PACS2: variants seen among roughly 807,000 people sequenced by gnomAD.
PACS2 encodes phosphofurin acidic cluster sorting protein 2, also known as PACS1-like protein.
Under a neutral mutation model 113.0 loss-of-function variants are expected in PACS2, and 36 were observed. The ratio of observed to expected loss-of-function variants is 0.32; its 90% confidence interval spans 0.24 to 0.42. The LOEUF (loss-of-function observed/expected upper bound fraction) is 0.42. PACS2 is among the 10% of genes least tolerant of loss of function. The probability of loss-of-function intolerance (pLI) is 1.00; values close to 1 mark genes in which losing one functional copy is unlikely to be tolerated. For missense variants in PACS2, 1,015 were observed against 1,239.5 expected (o/e 0.82, Z 2.72); for synonymous variants, 589 against 536.1 (o/e 1.10, Z -1.36).
rs2080807231 is a variant in PACS2, at chr14:105,376,993, C to G, written c.959+68C>G. On this transcript the variant is annotated intron_variant, in intron 9 of 24. Coordinates refer to ENST00000447393, the MANE Select transcript of PACS2 (RefSeq NM_001100913.3). This position sits in a 1 kb window ranked among gnomAD's most constrained non-coding sequence, Gnocchi z 4.7. Reference sequence around the variant, plus strand: ...ATGCCCCGGCCACTCTGCGACCACTCTGGCAGACCCATGTCCAGCCCTGGA... The same window carrying G: ...ATGCCCCGGCCACTCTGCGACCACTGTGGCAGACCCATGTCCAGCCCTGGA... 6.8e-7 allele frequency: 1 copy of G among 1,471,304 alleles called. No homozygotes were observed. Among genetic ancestry groups the G allele is most frequent in the African/African-American group, 1.4e-5 (1 of 70,314 alleles). 91.1% of individuals were successfully genotyped at this position (1,471,304 alleles called of 1,614,324 possible).
chr14:105,319,779 T>C (rs1397959981), intron 1 of PACS2, among the ~76,000 whole-genome samples: 2 of 152,342 alleles, frequency 1.3e-5, no homozygotes, highest in Non-Finnish European at 1.5e-5. Flanking sequence ...TGTTTTACCT[T>C]TAAGGACGAT....
chr14:105,342,654 C>T (rs1555401845), intron 1 of PACS2, among the ~76,000 whole-genome samples: 1 of 151,930 alleles, frequency 6.6e-6, no homozygotes, highest in Non-Finnish European at 1.5e-5. Flanking sequence ...GTCTGGTAGG[C>T]CAGGCGCAGT....
At chr14:105,349,222 C>T (rs1360658352) in intron 2 of PACS2, among the ~76,000 whole-genome samples, 1 of 152,274 alleles carries the variant, frequency 6.6e-6, no homozygotes, top group Non-Finnish European at 1.5e-5. Context: ...GCCACCCCTG[C>T]CCTTTCAGGG....
intron 19 of PACS2, among the ~76,000 whole-genome samples, chr14:105,386,578 C>T (rs1440628249): frequency 6.6e-6 from 1 of 152,124 alleles, no homozygotes; most frequent in African/African-American, 2.4e-5. Context: ...GGGTGGGGGC[C>T]CCTGCTGGTC....
chr14:105,333,758 G>A (rs930538633), intron 1 of PACS2, among the ~76,000 whole-genome samples: 15 of 152,324 alleles, frequency 9.8e-5, no homozygotes, highest in Non-Finnish European at 1.8e-4. Context: ...CAACCGGCCC[G>A]GCCTGTCACC....
At position 105,379,778 on chromosome 14, in the gene PACS2, G is replaced by A. The variant is rs1029559490; in HGVS notation, c.999G>A (p.Thr333=). 7 of 1,613,588 alleles carry A rather than the reference G, an allele frequency of 4.3e-6. No homozygotes were observed. Among genetic ancestry groups the A allele is most frequent in the African/African-American group, 2.7e-5 (2 of 75,044 alleles). The change falls in exon 10 of 25, where the codon ACG becomes ACA. Residue 333 remains threonine (T), a synonymous_variant. Coordinates refer to ENST00000447393, the MANE Select transcript of PACS2 (RefSeq NM_001100913.3). The stretch of plus-strand genomic sequence containing the variant: ...GCCTGTCGCACTCGAGCTCGCAGAC[G>A]GAGATTGGGAGCATCCACAGCGCCC... ...FEGLSHSSSQ[T]EIGSIHSARS...
At chr14:105,362,209 G>A (rs906897371) in intron 4 of PACS2, among the ~76,000 whole-genome samples, 2 of 151,070 alleles carry the variant, frequency 1.3e-5, no homozygotes, top group Non-Finnish European at 2.9e-5. Flanking sequence ...ACGAGGTCAG[G>A]AGATCAAGAC....
Position 105,304,168 on chromosome 14 carries a change from G to C in PACS2, c.-83+3189G>C, listed in dbSNP as rs115106510. Among the ~76,000 whole-genome samples the C allele has an allele frequency of 7.9e-3, 1,204 of 152,314 alleles. 21 individuals carry two copies. Among genetic ancestry groups the C allele is most frequent in the African/African-American group, 0.028 (1,154 of 41,566 alleles). ...GGCCAGAGGAGCAGAGGGTGGGGAA[G>C]ACCACACCCACAACGGTAAGAGGTT... On this transcript the variant is annotated intron_variant, in intron 1 of 23. Coordinates refer to the PACS2 transcript ENST00000430725.
At chr14:105,384,795 G>A (rs1414626045) in intron 17 of PACS2, 84 bp from the exon 18 acceptor site, 14 of 877,784 alleles carry the variant, frequency 1.6e-5, no homozygotes, top group Admixed American at 6.1e-5. Flanking sequence ...AGGCCTGGGC[G>A]GGGCACCGGG....
intron 1 of PACS2, among the ~76,000 whole-genome samples, chr14:105,306,522 C>T (rs774456269): frequency 6.6e-6 from 1 of 151,940 alleles, no homozygotes; most frequent in African/African-American, 2.4e-5. Context: ...CCAGGATGGC[C>T]TCGATCTCCT....
rs1450242430 is a variant in PACS2, at chr14:105,340,040, A to G, written c.120-8453A>G. Among the ~76,000 whole-genome samples, 1 of 152,228 alleles carries G rather than the reference A, an allele frequency of 6.6e-6. No homozygotes were observed. Among genetic ancestry groups the G allele is most frequent in the East Asian group, 1.9e-4 (1 of 5,198 alleles). On this transcript the variant is annotated intron_variant, in intron 1 of 24. Transcript: ENST00000447393. The surrounding 1 kb of genome is among the most constrained non-coding windows in gnomAD (Gnocchi z 4.2). ...GTGATCCACCTGCCTTGGCCTCCCA[A>G]AGGGCTGCGATTCCAAGTGTGAGCC... is the stretch of plus-strand genomic sequence containing the variant.
rs1555405065 is a variant in PACS2, at chr14:105,355,039, C to T, written c.298-13C>T. 1.9e-6 allele frequency: 3 copies of T among 1,612,070 alleles called. No homozygotes were observed. The highest frequency in any genetic ancestry group is 2.5e-6 in the Non-Finnish European group (3 of 1,179,312). ...GGTGCACCCTCAGCTGCCACTCGCA[C>T]TTGTGCCCACAGTATCCTCACTTCT... is the stretch of plus-strand genomic sequence containing the variant. On this transcript the variant is annotated splice_polypyrimidine_tract_variant and intron_variant, in intron 3 of 24. Transcript: ENST00000447393. This position sits in a 1 kb window ranked among gnomAD's most constrained non-coding sequence, Gnocchi z 4.1.
chr14:105,319,085 C>T (rs1364462795), intron 1 of PACS2, among the ~76,000 whole-genome samples: 1 of 152,000 alleles, frequency 6.6e-6, no homozygotes, highest in Admixed American at 6.6e-5. Context: ...GTAGTTGGGA[C>T]TACAGGCGTG....
upstream of PACS2, chr14:105,314,505 A>C (rs1402870944): frequency 6.9e-6 from 1 of 145,192 alleles, no homozygotes; most frequent in South Asian, 2.2e-4. Flanking sequence ...CAGGCGCGTG[A>C]GTGCGCGCTC....
chr14:105,336,091 CG>C (rs1248667658), intron 1 of PACS2, among the ~76,000 whole-genome samples: 1 of 152,216 alleles, frequency 6.6e-6, no homozygotes, highest in Non-Finnish European at 1.5e-5. Context: ...AGCTCCCACG[CG>C]GGCAGGCTCG....
chr14:105,392,750 G>C lies in PACS2; in HGVS notation c.2387G>C (p.Arg796Pro). The change falls in exon 23 of 25, where the codon CGG (arginine) becomes CCG (proline). Residue 796 changes from arginine to proline, a missense_variant. Transcript: ENST00000447393. ...AAAAACACGCTCAAGTGCACTTTCCGGTCCCTCCAGGTCAGCAGGCTGCCC... is the reference window on the plus strand; with the variant it reads ...AAAAACACGCTCAAGTGCACTTTCCCGTCCCTCCAGGTCAGCAGGCTGCCC... Reference protein sequence around the residue: ...VTKNTLKCTFRSLQVSRLPSS... With the variant: ...VTKNTLKCTFPSLQVSRLPSS... 2 of 1,612,424 alleles carry C rather than the reference G, an allele frequency of 1.2e-6. No homozygotes were observed. Among genetic ancestry groups the C allele is most frequent in the Non-Finnish European group, 1.7e-6 (2 of 1,179,982 alleles).
At chr14:105,360,619 G>A (rs1396734374) in intron 4 of PACS2, among the ~76,000 whole-genome samples, 2 of 152,018 alleles carry the variant, frequency 1.3e-5, no homozygotes, top group African/African-American at 4.8e-5. Flanking sequence ...TGGCTGGTGG[G>A]GGTCCTTAGT....
rs2060455399 is a variant in PACS2 at position 105,356,546 on chromosome 14, C to A, written c.423+1369C>A. On this transcript the variant is annotated intron_variant, in intron 4 of 24. Coordinates refer to ENST00000447393, the MANE Select transcript of PACS2 (RefSeq NM_001100913.3). This position sits in a 1 kb window ranked among gnomAD's most constrained non-coding sequence, Gnocchi z 4.0. Reference sequence around the variant, plus strand: ...GGCTGAGCGATGGGTGAACAGGTAGCTCAGGGATGCTCTCTGGGCTGTGAG... The same window carrying A: ...GGCTGAGCGATGGGTGAACAGGTAGATCAGGGATGCTCTCTGGGCTGTGAG... Among the ~76,000 whole-genome samples the A allele has an allele frequency of 6.6e-6, 1 of 152,196 alleles. No homozygotes were observed. Among genetic ancestry groups the A allele is most frequent in the Non-Finnish European group, 1.5e-5 (1 of 68,034 alleles).
In PACS2 at chr14:105,340,326, A is replaced by G. The variant is rs1555401334; in HGVS notation, c.120-8167A>G. On this transcript the variant is annotated intron_variant, in intron 1 of 24. Transcript: ENST00000447393. This position sits in a 1 kb window ranked among gnomAD's most constrained non-coding sequence, Gnocchi z 4.2. ...TGCAATCACAACACACACAACTCCA[A>G]ATGGATGGATAATCTCATTGTGAAA... Among the ~76,000 whole-genome samples the G allele has an allele frequency of 6.6e-6, 1 of 152,198 alleles. No individual in the cohort carries two copies. Among genetic ancestry groups the G allele is most frequent in the African/African-American group, 2.4e-5 (1 of 41,452 alleles).
Sources: allele counts gnomAD v4.1 joint callset (sites outside exome capture counted in the v4.1 genomes callset), GRCh38; gene constraint gnomAD v4.1.1; non-coding constraint Gnocchi (gnomAD v3.1); transcripts MANE v1.5; gene names NCBI Gene and HGNC (gene_info 2026-07-23, HGNC 2026-07-21).